The following P4HA1 variants were observed in gnomAD, a reference collection of about 807,000 sequenced individuals.
The protein encoded by P4HA1 is prolyl 4-hydroxylase subunit alpha-1.
In P4HA1, 24 loss-of-function variants were observed where a neutral mutation model predicts 72.8. That is an observed-to-expected ratio of 0.33 (90% CI 0.24 to 0.46). The LOEUF is 0.46. Among genes scored for constraint, P4HA1 ranks in the 20% least tolerant of loss-of-function variants. The pLI is 1.00. For synonymous variants in P4HA1, 201 were observed against 218.8 expected (o/e 0.92, Z 0.72); for missense variants, 446 against 640.6 (o/e 0.70, Z 3.28).
chr10:73,058,197 G>A (rs904513439), intron 5 of P4HA1, among the ~76,000 whole-genome samples: 28 of 151,720 alleles, frequency 1.8e-4, no homozygotes, highest in African/African-American at 6.8e-4. Flanking sequence ...CGCTCTAGCA[G>A]GGTGGCAATC....
chr10:73,014,061 TG>T (rs1384105987), intron 12 of P4HA1, among the ~76,000 whole-genome samples, 162 bp downstream of exon 12: 1 of 152,238 alleles, frequency 6.6e-6, no homozygotes, highest in African/African-American at 2.4e-5. Flanking sequence ...TCTTATAGCC[TG>T]AAAAAGTTGC....
intron 8 of P4HA1, 29 bp downstream of exon 8, chr10:73,046,896 T>G (rs567978010): frequency 1.3e-6 from 2 of 1,487,538 alleles, no homozygotes; most frequent in East Asian, 4.5e-5. Flanking sequence ...TACAGTAAAT[T>G]GAGGAGAAAG....
At chr10:73,074,960 A>G (rs1589622050) in intron 1 of P4HA1, 45 bp from the exon 2 acceptor site, 2 of 703,888 alleles carry the variant, frequency 2.8e-6, no homozygotes, top group East Asian at 5.3e-5. Context: ...AAAAAATACA[A>G]AGAGAAGGAA....
intron 9 of P4HA1, chr10:73,043,894 A>G: frequency 6.2e-7 from 1 of 1,607,548 alleles, no homozygotes; most frequent in Non-Finnish European, 8.5e-7. Context: ...TACCTCTTAG[A>G]TACTCTGTAC....
At chr10:73,059,694 G>GA (rs1266999832) in intron 5 of P4HA1, among the ~76,000 whole-genome samples, 2 of 150,920 alleles carry the variant, frequency 1.3e-5, no homozygotes, top group Non-Finnish European at 3.0e-5. Context: ...AGTGAGCTGA[G>GA]ATCACGCCAC....
chr10:73,079,031 A>G (rs2133146824), intron 1 of P4HA1, among the ~76,000 whole-genome samples: 1 of 152,346 alleles, frequency 6.6e-6, no homozygotes, highest in East Asian at 1.9e-4. Context: ...ATATTAAGAT[A>G]CCCTAAACTT....
chr10:73,050,987 C>T (rs1335018095), intron 7 of P4HA1, 66 bp downstream of exon 7: 11 of 1,129,012 alleles, frequency 9.7e-6, no homozygotes, highest in Non-Finnish European at 1.4e-5. Flanking sequence ...CTGATTCTCT[C>T]CAGAACTGTG....
chr10:73,086,080 G>A (rs1841918405), intron 1 of P4HA1, among the ~76,000 whole-genome samples: 1 of 152,192 alleles, frequency 6.6e-6, no homozygotes, highest in African/African-American at 2.4e-5. Flanking sequence ...TACATTGCTG[G>A]TAAAAACGTA....
chr10:73,047,592 TA>T (rs1309807355), intron 7 of P4HA1, among the ~76,000 whole-genome samples: 1 of 74,274 alleles, frequency 1.3e-5, no homozygotes, highest in African/African-American at 4.3e-5. Context: ...AAGGGCAAAA[TA>T]AAAAATGGAT....
intron 5 of P4HA1, among the ~76,000 whole-genome samples, chr10:73,066,130 A>G (rs907686309): frequency 6.6e-6 from 1 of 152,236 alleles, no homozygotes; most frequent in Non-Finnish European, 1.5e-5. Flanking sequence ...ATATTTGACT[A>G]TTAACAACAG....
intron 14 of P4HA1, among the ~76,000 whole-genome samples, chr10:73,008,700 A>T (rs1444549621): frequency 6.6e-6 from 1 of 152,198 alleles, no homozygotes; most frequent in African/African-American, 2.4e-5. Context: ...TAATGAACAC[A>T]AACTTTGCAC....
intron 1 of P4HA1, among the ~76,000 whole-genome samples, chr10:73,077,716 C>T (rs921293024): frequency 1.1e-4 from 17 of 151,706 alleles, no homozygotes; most frequent in Non-Finnish European, 1.2e-4. Flanking sequence ...CACAGTGGTT[C>T]ACACCTGTAA....
chr10:73,013,636 G>A (rs1441020824), intron 12 of P4HA1, among the ~76,000 whole-genome samples: 4 of 152,008 alleles, frequency 2.6e-5, no homozygotes, highest in Admixed American at 6.6e-5. Flanking sequence ...GGGGTAACTA[G>A]AACAAACACT....
rs1167120896 is a variant in P4HA1 at position 73,070,938 on chromosome 10, G to GT, written c.325+1090dup. ...GCTCACGCGTGTAATCCCTAGCGCT[G>GT]TGGGAGGCTGAGGTGGAAGGATCAC... On this transcript the variant is annotated intron_variant, in intron 4 of 14. Coordinates refer to ENST00000394890, the MANE Select transcript of P4HA1 (RefSeq NM_001017962.3). Among the ~76,000 whole-genome samples, 3 of 152,122 alleles carry GT rather than the reference G, an allele frequency of 2.0e-5. No homozygotes were observed. The East Asian group carries it at 5.8e-4, about 29-fold the overall frequency.
chr10:73,027,535 C>T (rs1840307211), intron 10 of P4HA1, among the ~76,000 whole-genome samples: 1 of 144,472 alleles, frequency 6.9e-6, no homozygotes, highest in Non-Finnish European at 1.5e-5. Flanking sequence ...CAACATGGCA[C>T]ATGTATACCT....
intron 1 of P4HA1, among the ~76,000 whole-genome samples, chr10:73,092,885 C>T (rs1842065647): frequency 6.6e-6 from 1 of 151,650 alleles, no homozygotes; most frequent in African/African-American, 2.4e-5. Flanking sequence ...CTTTGTGGGG[C>T]AGATGGGAGA....
At chr10:73,051,705 G>A (rs1841024301) in intron 6 of P4HA1, among the ~76,000 whole-genome samples, 1 of 152,138 alleles carries the variant, frequency 6.6e-6, no homozygotes, top group African/African-American at 2.4e-5. Flanking sequence ...GTTGCAGTGA[G>A]CCGAGATCAT....
At chr10:73,055,025 G>A (rs1000184791) in intron 5 of P4HA1, among the ~76,000 whole-genome samples, 1 of 152,144 alleles carries the variant, frequency 6.6e-6, no homozygotes, top group Admixed American at 6.5e-5. Context: ...AGGAGTTTGA[G>A]ACGAACCTGG....
rs200022954 is a variant in P4HA1 at position 73,008,144 on chromosome 10, C to T, written c.*78G>A. ...ATGGAGTGTTAGTCAATTGTAAACT[C>T]CTGAAAGTTAAGACTAGGAAATGTG... On this transcript the variant is annotated 3_prime_UTR_variant, in exon 15 of 15. Coordinates refer to ENST00000394890, the MANE Select transcript of P4HA1 (RefSeq NM_001017962.3). 5 of 848,970 alleles carry T rather than the reference C, an allele frequency of 5.9e-6. 1 individual carries two copies. The South Asian group carries it at 6.2e-5, about 11-fold the overall frequency. The allele number at this position is 848,970 out of a possible 1,614,324, so 52.6% of individuals were successfully genotyped here.
Sources: allele counts gnomAD v4.1 joint callset (sites outside exome capture counted in the v4.1 genomes callset), GRCh38; gene constraint gnomAD v4.1.1; transcripts MANE v1.5; gene names NCBI Gene and HGNC (gene_info 2026-07-23, HGNC 2026-07-21).